The following SKI variants were observed in gnomAD, a reference collection of about 807,000 sequenced individuals.
The protein encoded by SKI is ski oncogene.
In SKI, 23 loss-of-function variants were observed where a neutral mutation model predicts 59.3. That is an observed-to-expected ratio of 0.39 (90% CI 0.28 to 0.55). The LOEUF (loss-of-function observed/expected upper bound fraction) is 0.55. Among genes scored for constraint, SKI ranks in the 20% least tolerant of loss-of-function variants. The pLI is 0.67. For missense variants in SKI, 1,017 were observed against 1,038.9 expected (o/e 0.98, Z 0.29); for synonymous variants, 673 against 488.6 (o/e 1.38, Z -4.98).
At chr1:2,287,935 C>T (rs1365891989) in intron 1 of SKI, among the ~76,000 whole-genome samples, 1 of 152,200 alleles carries the variant, frequency 6.6e-6, no homozygotes, top group Non-Finnish European at 1.5e-5. Context: ...TGGCCTGGCA[C>T]TCAAGGGCTG....
At chr1:2,286,961 G>A (rs1236157194) in intron 1 of SKI, among the ~76,000 whole-genome samples, 1 of 152,252 alleles carries the variant, frequency 6.6e-6, no homozygotes, top group Non-Finnish European at 1.5e-5. Flanking sequence ...TGCCAATGAT[G>A]GGGACAGAGC....
At chr1:2,239,145 C>T (rs1638812317) in intron 1 of SKI, among the ~76,000 whole-genome samples, 1 of 152,158 alleles carries the variant, frequency 6.6e-6, no homozygotes, top group South Asian at 2.1e-4. Context: ...GTCAATTAAG[C>T]GAGGGGATTT....
chr1:2,277,227 G>C (rs1639761643), intron 1 of SKI, among the ~76,000 whole-genome samples: 1 of 152,178 alleles, frequency 6.6e-6, no homozygotes, highest in African/African-American at 2.4e-5. Flanking sequence ...CTGAATAGCT[G>C]AGATTACAGG....
chr1:2,282,925 T>C (rs963267092), intron 1 of SKI, among the ~76,000 whole-genome samples: 1 of 152,194 alleles, frequency 6.6e-6, no homozygotes, highest in African/African-American at 2.4e-5. Context: ...TGAGCCACTG[T>C]GTACACTGAA....
intron 1 of SKI, among the ~76,000 whole-genome samples, chr1:2,292,992 C>T (rs183773938): frequency 2.6e-3 from 391 of 152,322 alleles, no homozygotes; most frequent in African/African-American, 8.9e-3. Flanking sequence ...TGAGTGGGGC[C>T]TGCTGTTGTC....
At chr1:2,255,996 C>T (rs1232298086) in intron 1 of SKI, among the ~76,000 whole-genome samples, 2 of 151,296 alleles carry the variant, frequency 1.3e-5, no homozygotes, top group African/African-American at 4.9e-5. Context: ...GACCTCATTT[C>T]CTGTATGCAA....
At chr1:2,264,937 C>T (rs558783205) in intron 1 of SKI, among the ~76,000 whole-genome samples, 4 of 151,284 alleles carry the variant, frequency 2.6e-5, no homozygotes, top group Admixed American at 6.6e-5. Context: ...CAGCCTCCCG[C>T]GTACCTGGGA....
At chr1:2,283,157 T>C (rs1173734279) in intron 1 of SKI, among the ~76,000 whole-genome samples, 1 of 152,194 alleles carries the variant, frequency 6.6e-6, no homozygotes, top group Non-Finnish European at 1.5e-5. Context: ...AGAGGCTTTG[T>C]GCGGAGGCTG....
intron 5 of SKI, 35 bp from the exon 6 acceptor site, chr1:2,305,985 C>CT (rs1557853715): frequency 6.7e-7 from 1 of 1,490,408 alleles, no homozygotes; most frequent in Admixed American, 2.0e-5. Flanking sequence ...CTGGGACCGG[C>CT]TGGGCAGTGA....
At chr1:2,263,341 G>A (rs1049825952) in intron 1 of SKI, among the ~76,000 whole-genome samples, 3 of 150,790 alleles carry the variant, frequency 2.0e-5, no homozygotes, top group Admixed American at 6.6e-5. Flanking sequence ...GGGTTCAAGC[G>A]ATTCTCCTGT....
At chr1:2,254,735 T>C (rs1478173064) in intron 1 of SKI, among the ~76,000 whole-genome samples, 2 of 150,536 alleles carry the variant, frequency 1.3e-5, no homozygotes, top group African/African-American at 4.9e-5. Context: ...ACTGCGTGCG[T>C]GTGTGTGTGT....
In SKI at chr1:2,306,120, A is replaced by C. The variant is rs1425719871; in HGVS notation, c.1868A>C (p.Asn623Thr). The change falls in exon 6 of 7, where the codon AAC becomes ACC. Residue 623 changes from asparagine to threonine, a missense_variant. Coordinates refer to ENST00000378536, the MANE Select transcript of SKI (RefSeq NM_003036.4). ...RKEIERLRAENEKKMKEANES... is the reference protein window; with the variant it reads ...RKEIERLRAETEKKMKEANES... The stretch of plus-strand genomic sequence containing the variant: ...GAGATCGAGCGTCTCCGCGCCGAGA[A>C]CGAGAAGAAGATGAAAGAGGCCAAC... The C allele has an allele frequency of 6.3e-7, 1 of 1,598,818 alleles. No individual in the cohort carries two copies. Among genetic ancestry groups the C allele is most frequent in the African/African-American group, 1.3e-5 (1 of 74,840 alleles).
rs1488816694 is a variant in SKI, at chr1:2,228,966, C to T, written c.200C>T (p.Ala67Val). ...GCGGTGCCGGCGCCGGTGCCCGCAG[C>T]CACCGAGCCGCCGCCCGTGCTGCAC... is the stretch of plus-strand genomic sequence containing the variant. ...AAAVPAPVPA[A>V]TEPPPVLHLP... Residue 67 changes from alanine (A) to valine (V), a missense_variant, in exon 1 of 7, where the codon GCC becomes GTC. By Grantham distance (64) the Ala-to-Val change is moderately conservative. Transcript: ENST00000378536. The T allele has an allele frequency of 2.1e-6, 3 of 1,438,924 alleles. No individual in the cohort carries two copies. Among genetic ancestry groups the T allele is most frequent in the Admixed American group, 2.6e-5 (1 of 38,216 alleles). The allele number at this position is 1,438,924 out of a possible 1,614,324, so 89.1% of individuals were successfully genotyped here.
chr1:2,228,907 CAAG>C lies in SKI; in HGVS notation c.145_147del (p.Lys49del), dbSNP rs772979886. 3.5e-6 allele frequency: 5 copies of C among 1,412,382 alleles called. No homozygotes were observed. Among genetic ancestry groups the C allele is most frequent in the East Asian group, 3.3e-5 (1 of 30,474 alleles). 87.5% of individuals were successfully genotyped at this position (1,412,382 alleles called of 1,614,324 possible). ...CGGCGCGCTGGGCGCAGGAGGCCTA[CAAG>C]AAGGAGAGCGCCAAGGAGGCGGGCG... On this transcript the variant is annotated inframe_deletion, in exon 1 of 7. Transcript: ENST00000378536.
At chr1:2,272,427 G>C (rs1473833173) in intron 1 of SKI, among the ~76,000 whole-genome samples, 1 of 152,222 alleles carries the variant, frequency 6.6e-6, no homozygotes, top group Non-Finnish European at 1.5e-5. Context: ...CCTCCGCTGG[G>C]GGGTTGGGGA....
intron 1 of SKI, among the ~76,000 whole-genome samples, chr1:2,278,085 A>G (rs1639785719): frequency 6.6e-6 from 1 of 152,224 alleles, no homozygotes; most frequent in Non-Finnish European, 1.5e-5. Flanking sequence ...CGGGTGAGCA[A>G]GTCTGGAGGC....
intron 1 of SKI, among the ~76,000 whole-genome samples, chr1:2,237,468 G>A (rs1638774904): frequency 1.3e-5 from 2 of 152,168 alleles, no homozygotes; most frequent in Non-Finnish European, 2.9e-5. Context: ...GTGTTGTTCT[G>A]CCCAGGAGTG....
At position 2,239,413 on chromosome 1, in the gene SKI, G is replaced by A. The variant is rs548015933; in HGVS notation, c.969+9678G>A. Among the ~76,000 whole-genome samples, 19 of 152,320 alleles carry A rather than the reference G, an allele frequency of 1.2e-4. 1 individual carries two copies. The South Asian group carries it at 3.9e-3, about 32-fold the overall frequency. ...CTCTTCGAGTCAAGCCGGGCTCGATGTCTTCCTTGTCACTGGCTGGGGTGG... is the reference window on the plus strand; with the variant it reads ...CTCTTCGAGTCAAGCCGGGCTCGATATCTTCCTTGTCACTGGCTGGGGTGG... On this transcript the variant is annotated intron_variant, in intron 1 of 6. Coordinates refer to ENST00000378536, the MANE Select transcript of SKI (RefSeq NM_003036.4).
At chr1:2,305,580 G>GT (rs1439292216) in intron 5 of SKI, among the ~76,000 whole-genome samples, 1 of 152,136 alleles carries the variant, frequency 6.6e-6, no homozygotes, top group Non-Finnish European at 1.5e-5. Flanking sequence ...AATGGGGAGA[G>GT]TGGGGGGGCT....
Sources: gnomAD v4.1 joint callset for allele counts (sites outside exome capture counted in the v4.1 genomes callset) on GRCh38, gnomAD v4.1.1 for gene constraint, MANE v1.5 for transcripts, NCBI Gene and HGNC (gene_info 2026-07-23, HGNC 2026-07-21) for gene names.